The following NKAIN3 variants were observed in gnomAD, a reference collection of about 807,000 sequenced individuals.
The protein encoded by NKAIN3 is sodium/potassium-transporting ATPase subunit beta-1-interacting protein 3.
NKAIN3 carries 25 observed loss-of-function variants against 30.2 expected under a neutral mutation model. The observed-to-expected ratio is 0.83, with a 90% confidence interval of 0.60 to 1.16. The LOEUF (loss-of-function observed/expected upper bound fraction) is 1.16. NKAIN3 is among the 50% of genes most tolerant of loss of function. The probability of loss-of-function intolerance (pLI) is 0.00; values close to 1 mark genes in which losing one functional copy is unlikely to be tolerated. For missense variants in NKAIN3, 225 were observed against 254.1 expected (o/e 0.89, Z 0.78); for synonymous variants, 91 against 89.6 (o/e 1.02, Z -0.09).
intron 5 of NKAIN3, among the ~76,000 whole-genome samples, chr8:62,926,851 T>C (rs1822464450): frequency 6.6e-6 from 1 of 152,178 alleles, no homozygotes; most frequent in Non-Finnish European, 1.5e-5. Context: ...CTTCATTTTG[T>C]CCCGTGGCTT....
intron 1 of NKAIN3, among the ~76,000 whole-genome samples, chr8:62,437,311 A>G (rs1443552314): frequency 6.6e-6 from 1 of 152,204 alleles, no homozygotes; most frequent in Non-Finnish European, 1.5e-5. Context: ...TCTCCCAAAT[A>G]GAAACGTAAG....
chr8:62,956,948 A>G (rs1823435833), intron 6 of NKAIN3, among the ~76,000 whole-genome samples: 2 of 152,262 alleles, frequency 1.3e-5, no homozygotes, highest in South Asian at 4.1e-4. Context: ...CAATTGAGCT[A>G]CTTTGAAAAG....
At chr8:62,309,648 A>G (rs764851962) in intron 1 of NKAIN3, among the ~76,000 whole-genome samples, 12 of 150,286 alleles carry the variant, frequency 8.0e-5, no homozygotes, top group Non-Finnish European at 1.5e-4. Flanking sequence ...GTGGGATTTC[A>G]GACCCATCTA....
At chr8:62,852,151 C>T (rs190747630) in intron 4 of NKAIN3, among the ~76,000 whole-genome samples, 49 of 152,186 alleles carry the variant, frequency 3.2e-4, no homozygotes, top group Middle Eastern at 3.4e-3. Context: ...TTGGTCTATT[C>T]GGAGATTCAT....
At chr8:62,619,143 G>A (rs1470711411) in intron 3 of NKAIN3, among the ~76,000 whole-genome samples, 1 of 152,158 alleles carries the variant, frequency 6.6e-6, no homozygotes, top group Admixed American at 6.5e-5. Flanking sequence ...GCTTTCATCT[G>A]TGAAAACACT....
At chr8:62,640,164 G>A (rs968780016) in intron 3 of NKAIN3, among the ~76,000 whole-genome samples, 5 of 152,116 alleles carry the variant, frequency 3.3e-5, no homozygotes, top group Non-Finnish European at 7.4e-5. Context: ...GACCTGGCAA[G>A]TAGGTGCCTG....
At chr8:62,346,345 C>T (rs934033991) in intron 1 of NKAIN3, among the ~76,000 whole-genome samples, 16 of 152,004 alleles carry the variant, frequency 1.1e-4, no homozygotes, top group African/African-American at 3.4e-4. Context: ...AATATGTACA[C>T]TTATGATGCC....
intron 5 of NKAIN3, among the ~76,000 whole-genome samples, chr8:62,952,130 C>G (rs1041201187): frequency 6.6e-6 from 1 of 151,998 alleles, no homozygotes; most frequent in Non-Finnish European, 1.5e-5. Context: ...TCATTCTGTC[C>G]AAGGTAAAAC....
At chr8:62,462,670 G>T (rs781149801) in intron 1 of NKAIN3, among the ~76,000 whole-genome samples, 1 of 152,092 alleles carries the variant, frequency 6.6e-6, no homozygotes, top group Non-Finnish European at 1.5e-5. Context: ...CTTGGACTAG[G>T]AGACATATAT....
intron 1 of NKAIN3, among the ~76,000 whole-genome samples, chr8:62,368,150 G>A (rs1201026230): frequency 1.3e-5 from 2 of 151,210 alleles, no homozygotes; most frequent in African/African-American, 4.9e-5. Context: ...CTCCCCCCAA[G>A]GAGATCTACA....
chr8:62,730,566 T>G (rs910312738), intron 3 of NKAIN3, among the ~76,000 whole-genome samples: 4 of 152,170 alleles, frequency 2.6e-5, no homozygotes, highest in Non-Finnish European at 5.9e-5. Context: ...ATTATGTACT[T>G]TGGTGCTATA....
intron 3 of NKAIN3, among the ~76,000 whole-genome samples, chr8:62,647,254 C>T (rs1246288837): frequency 6.6e-6 from 1 of 152,122 alleles, no homozygotes. Context: ...ATGCATAGAG[C>T]AGTTGTCTAA....
intron 1 of NKAIN3, among the ~76,000 whole-genome samples, chr8:62,462,829 G>A (rs1806037992): frequency 6.6e-6 from 1 of 152,198 alleles, no homozygotes; most frequent in Admixed American, 6.5e-5. Context: ...GCAACTGGCT[G>A]GAGCTAGGCA....
intron 1 of NKAIN3, among the ~76,000 whole-genome samples, chr8:62,285,443 A>C (rs1813350096): frequency 6.6e-6 from 1 of 152,194 alleles, no homozygotes. Context: ...TGAGAGCTGA[A>C]GAGGCTGAAC....
rs537642991 is a variant in NKAIN3 at position 62,983,521 on chromosome 8, T to C, written c.*18114T>C. 4.1e-4 allele frequency: 63 copies of C among 152,220 alleles called. No individual in the cohort carries two copies. Among genetic ancestry groups the C allele is most frequent in the African/African-American group, 1.4e-3 (58 of 41,510 alleles). 9.4% of individuals were successfully genotyped at this position (152,220 alleles called of 1,614,324 possible). Reference sequence around the variant, plus strand: ...GGGGAGTGATAAAAACAAATCAAATTCACATTTTAATTTAGGGAGTTTAGG... The same window carrying C: ...GGGGAGTGATAAAAACAAATCAAATCCACATTTTAATTTAGGGAGTTTAGG... On this transcript the variant is annotated 3_prime_UTR_variant, in exon 7 of 7. Transcript: ENST00000623646.
intron 4 of NKAIN3, among the ~76,000 whole-genome samples, chr8:62,808,085 A>G (rs1818363008): frequency 6.6e-6 from 1 of 152,074 alleles, no homozygotes; most frequent in Non-Finnish European, 1.5e-5. Flanking sequence ...CCAATTTTTC[A>G]TGTTAATTTT....
chr8:62,469,792 G>T (rs1806274910), intron 1 of NKAIN3, among the ~76,000 whole-genome samples: 1 of 152,144 alleles, frequency 6.6e-6, no homozygotes, highest in South Asian at 2.1e-4. Context: ...AGATTGCAGT[G>T]TACAGTAAAA....
chr8:62,729,095 C>CCA (rs1815385780), intron 3 of NKAIN3, among the ~76,000 whole-genome samples: 1 of 138,520 alleles, frequency 7.2e-6, no homozygotes, highest in African/African-American at 2.7e-5. Flanking sequence ...ATAAGACAGG[C>CCA]CACAGACTGG....
intron 1 of NKAIN3, among the ~76,000 whole-genome samples, chr8:62,332,649 T>C (rs1815393701): frequency 6.6e-6 from 1 of 152,142 alleles, no homozygotes; most frequent in African/African-American, 2.4e-5. Flanking sequence ...TGAGCTGTGA[T>C]GTGATCCTAG....
Sources: allele counts gnomAD v4.1 joint callset (sites outside exome capture counted in the v4.1 genomes callset), GRCh38; gene constraint gnomAD v4.1.1; transcripts MANE v1.5; gene names NCBI Gene and HGNC (gene_info 2026-07-23, HGNC 2026-07-21).